The following THSD7B variants were observed in gnomAD, a reference collection of about 807,000 sequenced individuals.
The protein encoded by THSD7B is thrombospondin type 1 domain containing 7B, also known as thrombospondin type-1 domain-containing protein 7B.
In THSD7B, 138 loss-of-function variants were observed where a neutral mutation model predicts 213.6. The ratio of observed to expected loss-of-function variants is 0.65; its 90% CI spans 0.56 to 0.74. The LOEUF (loss-of-function observed/expected upper bound fraction) is 0.74, where lower values mean the gene tolerates loss of function less well. THSD7B is among the 30% of genes least tolerant of loss of function. THSD7B has a pLI of 0.00. For missense variants in THSD7B, 1,931 were observed against 1,991.5 expected (o/e 0.97, Z 0.58); for synonymous variants, 742 against 687.0 (o/e 1.08, Z -1.25).
At chr2:137,260,676 G>A (rs1558976696) in intron 10 of THSD7B, among the ~76,000 whole-genome samples, 1 of 152,146 alleles carries the variant, frequency 6.6e-6, no homozygotes, top group African/African-American at 2.4e-5. Flanking sequence ...GAGGTGAGAG[G>A]ATTGCTTGAG....
intron 12 of THSD7B, among the ~76,000 whole-genome samples, chr2:137,316,683 T>A (rs1684114443): frequency 6.9e-6 from 1 of 145,758 alleles, no homozygotes; most frequent in Admixed American, 7.1e-5. Flanking sequence ...GCGTGAACCC[T>A]GGAGGCGGAG....
At chr2:137,102,359 T>G (rs1041245057) in intron 4 of THSD7B, among the ~76,000 whole-genome samples, 1 of 145,976 alleles carries the variant, frequency 6.9e-6, no homozygotes, top group Non-Finnish European at 1.5e-5. Flanking sequence ...AAAAAGGACA[T>G]CCACACAAAA....
chr2:137,244,567 G>T (rs972163796), intron 10 of THSD7B, among the ~76,000 whole-genome samples: 1 of 152,140 alleles, frequency 6.6e-6, no homozygotes, highest in Non-Finnish European at 1.5e-5. Flanking sequence ...TAAAGTAATT[G>T]TTCCTCAAGC....
intron 26 of THSD7B, among the ~76,000 whole-genome samples, chr2:137,666,969 T>C (rs1048316366): frequency 1.3e-4 from 20 of 152,118 alleles, no homozygotes; most frequent in African/African-American, 4.6e-4. Flanking sequence ...ATTTGGTGAA[T>C]TGATTAACTT....
At chr2:137,331,848 C>A (rs896968959) in intron 12 of THSD7B, among the ~76,000 whole-genome samples, 2 of 152,168 alleles carry the variant, frequency 1.3e-5, no homozygotes, top group Non-Finnish European at 2.9e-5. Context: ...GCCGCTGGCC[C>A]GGGTGCTAAG....
chr2:137,003,202 A>G (rs1686034746), intron 2 of THSD7B, among the ~76,000 whole-genome samples: 1 of 152,208 alleles, frequency 6.6e-6, no homozygotes, highest in Non-Finnish European at 1.5e-5. Context: ...CATGGCTTTT[A>G]AAAAATGTAT....
chr2:137,246,273 G>C (rs1682034870), intron 10 of THSD7B, among the ~76,000 whole-genome samples: 1 of 152,190 alleles, frequency 6.6e-6, no homozygotes, highest in African/African-American at 2.4e-5. Flanking sequence ...AAGTTGAGAA[G>C]CGGTTATGTC....
intron 3 of THSD7B, among the ~76,000 whole-genome samples, chr2:137,060,094 A>C (rs1194275583): frequency 6.6e-6 from 1 of 152,038 alleles, no homozygotes; most frequent in Admixed American, 6.6e-5. Flanking sequence ...CATTGTTTTA[A>C]ATTGCGATTC....
At chr2:136,944,867 T>TG (rs1475680430) in intron 2 of THSD7B, among the ~76,000 whole-genome samples, 1 of 152,144 alleles carries the variant, frequency 6.6e-6, no homozygotes, top group African/African-American at 2.4e-5. Flanking sequence ...GTCTTTTAAT[T>TG]GGGGCATTTA....
Position 137,094,939 on chromosome 2 carries a change from C to T in THSD7B, c.1017C>T (p.Thr339=). The T allele has an allele frequency of 6.2e-7, 1 of 1,613,802 alleles. No individual in the cohort carries two copies. Among genetic ancestry groups the T allele is most frequent in the South Asian group, 1.1e-5 (1 of 91,070 alleles). Residue 339 remains threonine, a synonymous_variant, in exon 4 of 28, where the codon ACC becomes ACT. Transcript: ENST00000409968. ...GCATCATGCCCAAAGACTGTGAAAC[C>T]TCCCAGTGGTCCTCCTGGAGCCCCT... is the stretch of plus-strand genomic sequence containing the variant. The part of the protein sequence containing the change: ...QSCIMPKDCE[T]SQWSSWSPCS...
chr2:136,906,836 A>G (rs1684169497), intron 2 of THSD7B, among the ~76,000 whole-genome samples: 1 of 152,022 alleles, frequency 6.6e-6, no homozygotes. Context: ...AAAGAAATAA[A>G]AATAATGTGA....
At chr2:137,338,115 C>T (rs948199837) in intron 12 of THSD7B, among the ~76,000 whole-genome samples, 2 of 152,056 alleles carry the variant, frequency 1.3e-5, no homozygotes, top group African/African-American at 4.8e-5. Context: ...TGAGACTGTG[C>T]TAAAGGTTTC....
At chr2:136,887,700 G>A (rs1683743632) in intron 2 of THSD7B, among the ~76,000 whole-genome samples, 1 of 152,052 alleles carries the variant, frequency 6.6e-6, no homozygotes, top group Non-Finnish European at 1.5e-5. Flanking sequence ...TGTACAGTCT[G>A]TAGAACCATG....
intron 15 of THSD7B, among the ~76,000 whole-genome samples, chr2:137,492,754 A>G (rs985498): frequency 0.99 from 150,880 of 152,242 alleles, 74,784 homozygotes; most frequent in Middle Eastern, 1. Context: ...ATAAATTAGC[A>G]CGTTAATAAA....
chr2:137,154,628 C>T (rs1369993349), intron 5 of THSD7B, among the ~76,000 whole-genome samples: 2 of 151,866 alleles, frequency 1.3e-5, no homozygotes, highest in African/African-American at 2.4e-5. Context: ...CTCATTGATT[C>T]TTTAGCATCT....
intron 1 of THSD7B, among the ~76,000 whole-genome samples, chr2:136,829,649 G>A (rs1287972631): frequency 6.6e-6 from 1 of 152,030 alleles, no homozygotes; most frequent in Non-Finnish European, 1.5e-5. Context: ...GAAAGATTAA[G>A]CACTCATTAA....
At chr2:137,116,038 G>A (rs1345927718) in intron 5 of THSD7B, among the ~76,000 whole-genome samples, 1 of 152,188 alleles carries the variant, frequency 6.6e-6, no homozygotes, top group Non-Finnish European at 1.5e-5. Context: ...GGGCTTGCCA[G>A]GTACGAGGAC....
At chr2:137,609,985 A>G (rs1372325737) in intron 17 of THSD7B, among the ~76,000 whole-genome samples, 1 of 152,186 alleles carries the variant, frequency 6.6e-6, no homozygotes, top group East Asian at 1.9e-4. Flanking sequence ...ATTGACTTCA[A>G]ACTTTTTGAC....
chr2:137,014,691 C>A (rs891811), intron 2 of THSD7B, among the ~76,000 whole-genome samples: 2,576 of 152,314 alleles, frequency 0.017, 82 homozygotes, highest in African/African-American at 0.058. Flanking sequence ...CAACCAGCTT[C>A]CGTGACTCCA....
Sources: gnomAD v4.1 joint callset for allele counts (sites outside exome capture counted in the v4.1 genomes callset) on GRCh38, gnomAD v4.1.1 for gene constraint, MANE v1.5 for transcripts, NCBI Gene and HGNC (gene_info 2026-07-23, HGNC 2026-07-21) for gene names.